The following MCTP2 variants were observed in gnomAD, a reference collection of about 807,000 sequenced individuals.
The protein encoded by MCTP2 is multiple C2 and transmembrane domain containing 2.
In MCTP2, 132 loss-of-function variants were observed where a neutral mutation model predicts 111.6. The observed-to-expected ratio is 1.18, with a 90% CI of 1.03 to 1.37. MCTP2 has a LOEUF of 1.37. Among genes scored for constraint, MCTP2 ranks in the 40% most tolerant of loss-of-function variants. The pLI is 0.00. For missense variants in MCTP2, 1,183 were observed against 1,067.9 expected (o/e 1.11, Z -1.50); for synonymous variants, 395 against 387.7 (o/e 1.02, Z -0.22).
intron 12 of MCTP2, among the ~76,000 whole-genome samples, chr15:94,382,488 G>T (rs1007372231): frequency 6.6e-6 from 1 of 152,258 alleles, no homozygotes; most frequent in Non-Finnish European, 1.5e-5. Context: ...AAGTGTCCAG[G>T]CCACTAGTCA....
At chr15:94,407,791 A>G (rs150791039) in intron 17 of MCTP2, among the ~76,000 whole-genome samples, 2 of 103,310 alleles carry the variant, frequency 1.9e-5, no homozygotes, top group African/African-American at 3.9e-5. Context: ...ACACACACAC[A>G]CACACACACA....
At chr15:94,345,286 A>T (rs548186862) in intron 8 of MCTP2, 122 bp downstream of exon 8, 16 of 965,914 alleles carry the variant, frequency 1.7e-5, no homozygotes, top group Non-Finnish European at 2.5e-5. Flanking sequence ...TTTTCCTCTT[A>T]CTGCTGTTAC....
chr15:94,339,061 GA>G (rs2077504954), intron 4 of MCTP2, among the ~76,000 whole-genome samples: 1 of 152,000 alleles, frequency 6.6e-6, no homozygotes, highest in South Asian at 2.1e-4. Flanking sequence ...CACAATGAAA[GA>G]AAATAAAAAT....
chr15:94,340,147 C>G (rs539236981), intron 5 of MCTP2, 52 bp from the exon 6 acceptor site: 2 of 1,255,970 alleles, frequency 1.6e-6, no homozygotes, highest in African/African-American at 3.0e-5. Flanking sequence ...ATTTGAAAAA[C>G]TCAGTTGGTT....
chr15:94,402,992 G>A (rs1199271826), intron 17 of MCTP2: 1 of 995,060 alleles, frequency 1.0e-6, no homozygotes. Flanking sequence ...TAAAAAATGG[G>A]GGAAAAAAAA....
intron 14 of MCTP2, among the ~76,000 whole-genome samples, chr15:94,398,418 C>G (rs1040887188): frequency 4.6e-5 from 7 of 152,290 alleles, no homozygotes; most frequent in South Asian, 2.1e-4. Flanking sequence ...TTATATACTA[C>G]CATAATACAT....
chr15:94,440,356 C>T lies in MCTP2; in HGVS notation c.2208+58C>T. ...TGCCGAGAAATGTGTTAACAACAAACTACCACCACCACCAAATCATGGCCC... is the reference window on the plus strand; with the variant it reads ...TGCCGAGAAATGTGTTAACAACAAATTACCACCACCACCAAATCATGGCCC... On this transcript the variant is annotated intron_variant, in intron 18 of 22. Transcript: ENST00000357742. The T allele has an allele frequency of 3.8e-6, 6 of 1,599,948 alleles. No individual in the cohort carries two copies. In the Admixed American group the frequency reaches 1.0e-4, roughly 27 times the overall value.
At chr15:94,348,116 T>C (rs370298723) in intron 8 of MCTP2, among the ~76,000 whole-genome samples, 1 of 152,288 alleles carries the variant, frequency 6.6e-6, no homozygotes, top group East Asian at 1.9e-4. Context: ...ACATGACTTA[T>C]ACTAGTGTAA....
intron 10 of MCTP2, among the ~76,000 whole-genome samples, chr15:94,367,281 A>G (rs1459781588): frequency 6.6e-6 from 1 of 152,192 alleles, no homozygotes; most frequent in Non-Finnish European, 1.5e-5. Context: ...ATAAGGCTTA[A>G]ACTTTCAAAC....
At chr15:94,363,341 G>C (rs1333596003) in intron 10 of MCTP2, among the ~76,000 whole-genome samples, 1 of 152,136 alleles carries the variant, frequency 6.6e-6, no homozygotes, top group Non-Finnish European at 1.5e-5. Flanking sequence ...TGGAATGAGG[G>C]CTGCAGGTCC....
intron 20 of MCTP2, among the ~76,000 whole-genome samples, chr15:94,466,931 C>T (rs2073382377): frequency 6.6e-6 from 1 of 151,950 alleles, no homozygotes; most frequent in Non-Finnish European, 1.5e-5. Context: ...ATTTTTGTAG[C>T]TAGTATTATT....
At position 94,258,813 on chromosome 15, in the gene MCTP2, T is replaced by A. The variant is rs138975945; in HGVS notation, c.-66+27149T>A. Among the ~76,000 whole-genome samples, 38 of 152,310 alleles carry A rather than the reference T, an allele frequency of 2.5e-4. No individual in the cohort carries two copies. In the East Asian group the frequency reaches 6.7e-3, roughly 27 times the overall value. On this transcript the variant is annotated intron_variant, in intron 1 of 22. Coordinates refer to ENST00000357742, the MANE Select transcript of MCTP2 (RefSeq NM_001385001.1). ...CCTGGTATTGCAGTTTTGTTATTTGTTTTCCAACAGGTTAAAGGATTTAAT... is the reference window on the plus strand; with the variant it reads ...CCTGGTATTGCAGTTTTGTTATTTGATTTCCAACAGGTTAAAGGATTTAAT...
chr15:94,468,558 T>C (rs1249866725), intron 20 of MCTP2, among the ~76,000 whole-genome samples: 2 of 152,290 alleles, frequency 1.3e-5, no homozygotes, highest in African/African-American at 4.8e-5. Flanking sequence ...TCAAATTTGC[T>C]TATAATTTAA....
At chr15:94,351,643 G>A (rs1430813725) in intron 8 of MCTP2, among the ~76,000 whole-genome samples, 2 of 152,198 alleles carry the variant, frequency 1.3e-5, no homozygotes, top group Non-Finnish European at 2.9e-5. Flanking sequence ...GACTATGTAT[G>A]GAGTACCAGT....
chr15:94,467,812 C>T (rs1379529020), intron 20 of MCTP2, among the ~76,000 whole-genome samples: 2 of 152,042 alleles, frequency 1.3e-5, no homozygotes, highest in Admixed American at 1.3e-4. Flanking sequence ...GTAAAATTGC[C>T]CTCCAAAAAG....
In MCTP2 at chr15:94,384,144, G is replaced by C. The variant is rs779185601; in HGVS notation, c.1685+20G>C. ...TACATTGTAAGTGCTTTAGCCTCTG[G>C]AATTATTTCTGCTGTGCTTGGAAGG... On this transcript the variant is annotated intron_variant, in intron 13 of 22. Coordinates refer to ENST00000357742, the MANE Select transcript of MCTP2 (RefSeq NM_001385001.1). 2.6e-6 allele frequency: 4 copies of C among 1,551,742 alleles called. No individual in the cohort carries two copies. In the East Asian group the frequency reaches 9.1e-5, roughly 35 times the overall value.
In MCTP2 at chr15:94,441,006, T is replaced by A. The variant is rs192052953; in HGVS notation, c.2208+708T>A. ...AGGAACTTGTATTTGTAGGCTTTTT[T>A]TTTATGATGTAATCTAGGCATTCCA... is the stretch of plus-strand genomic sequence containing the variant. On this transcript the variant is annotated intron_variant, in intron 18 of 22. Transcript: ENST00000357742. Among the ~76,000 whole-genome samples, 273 of 152,302 alleles carry A rather than the reference T, an allele frequency of 1.8e-3. 2 individuals are homozygous for A. Among genetic ancestry groups the A allele is most frequent in the African/African-American group, 6.2e-3 (258 of 41,548 alleles).
chr15:94,421,619 A>C (rs900829497), intron 17 of MCTP2, among the ~76,000 whole-genome samples: 5 of 152,180 alleles, frequency 3.3e-5, no homozygotes, highest in African/African-American at 1.2e-4. Flanking sequence ...CAGCAAGGGA[A>C]GATCGTTGAG....
At chr15:94,273,408 T>C (rs183205300) in intron 1 of MCTP2, 1 of 152,332 alleles carries the variant, frequency 6.6e-6, no homozygotes, top group African/African-American at 2.4e-5. Context: ...ACAATCCCCA[T>C]ATAGAAATTA....
Sources: gnomAD v4.1 joint callset for allele counts (sites outside exome capture counted in the v4.1 genomes callset) on GRCh38, gnomAD v4.1.1 for gene constraint, MANE v1.5 for transcripts, NCBI Gene and HGNC (gene_info 2026-07-23, HGNC 2026-07-21) for gene names.